Variants in ABHD18 observed in about 807,000 individuals in gnomAD.
The protein encoded by ABHD18 is abhydrolase domain containing 18.
Under a neutral mutation model 65.9 loss-of-function variants are expected in ABHD18, and 55 were observed. That is an observed-to-expected ratio of 0.84 (90% CI 0.67 to 1.05). ABHD18 has a LOEUF of 1.05. Among genes scored for constraint, ABHD18 ranks in the 50% least tolerant of loss-of-function variants. The pLI is 0.00. For synonymous variants in ABHD18, 181 were observed against 180.2 expected, an observed-to-expected ratio of 1.00 and a Z score of -0.04; for missense variants, 533 against 558.5, an observed-to-expected ratio of 0.95 and a Z score of 0.46.
chr4:128,037,755 G>C lies in ABHD18; in HGVS notation c.*1942G>C, dbSNP rs1759009238. ...TGGCTTTTAATTTCAAAATTTAATA[G>C]ACACATATGCAATTGATTTGTCCCA... On this transcript the variant is annotated 3_prime_UTR_variant, in exon 13 of 13. Transcript: ENST00000645843. The C allele has an allele frequency of 1.3e-5, 2 of 152,016 alleles. No homozygotes were observed. Among genetic ancestry groups the C allele is most frequent in the South Asian group, 4.2e-4 (2 of 4,810 alleles). The allele number at this position is 152,016 out of a possible 1,614,324, so 9.4% of individuals were successfully genotyped here.
chr4:127,993,331 C>G (rs1057129268), intron 4 of ABHD18, among the ~76,000 whole-genome samples: 1 of 152,116 alleles, frequency 6.6e-6, no homozygotes, highest in Non-Finnish European at 1.5e-5. Context: ...AATTGAGGAA[C>G]GGTTCTTTCC....
chr4:128,024,356 C>T (rs1376760013), intron 10 of ABHD18, among the ~76,000 whole-genome samples: 2 of 152,240 alleles, frequency 1.3e-5, no homozygotes, highest in South Asian at 4.2e-4. Flanking sequence ...ATTAAAGGTC[C>T]CACCTTTCAA....
At chr4:127,966,896 A>C (rs1177242204) in intron 1 of ABHD18, among the ~76,000 whole-genome samples, 4 of 151,206 alleles carry the variant, frequency 2.6e-5, no homozygotes, top group South Asian at 2.1e-4. Flanking sequence ...AAAAAAAAAA[A>C]AAAACCAAAA....
At chr4:128,023,730 A>AT (rs1756917027) in intron 10 of ABHD18, among the ~76,000 whole-genome samples, 1 of 151,978 alleles carries the variant, frequency 6.6e-6, no homozygotes, top group Non-Finnish European at 1.5e-5. Context: ...AATACAAAAA[A>AT]TTAGCCGGGC....
chr4:127,973,803 T>C (rs1450641453), intron 1 of ABHD18, among the ~76,000 whole-genome samples: 1 of 124,034 alleles, frequency 8.1e-6, no homozygotes. Flanking sequence ...GGCTGGCCTC[T>C]GGCTGATGAA....
Position 127,983,065 on chromosome 4 carries a change from C to T in ABHD18, c.92+18C>T. 1 of 1,504,620 alleles carries T rather than the reference C, an allele frequency of 6.6e-7. No individual in the cohort carries two copies. The highest frequency in any genetic ancestry group is 9.0e-7 in the Non-Finnish European group (1 of 1,106,798). 93.2% of individuals were successfully genotyped at this position (1,504,620 alleles called of 1,614,324 possible). A position where few individuals can be genotyped will look rare whatever the true frequency, so the allele number is the denominator to read the frequency against. On this transcript the variant is annotated intron_variant, in intron 2 of 12. Transcript: ENST00000645843. ...CTCAAAAGGCAAGCAATTTTTTTTC[C>T]TGAATACTTGTTCTGAATTTGTTGT...
chr4:127,981,169 T>G (rs903648403), intron 1 of ABHD18, among the ~76,000 whole-genome samples: 1 of 152,194 alleles, frequency 6.6e-6, no homozygotes, highest in African/African-American at 2.4e-5. Flanking sequence ...GTGGTTTGAC[T>G]TACGATTGTT....
At chr4:127,974,433 A>G (rs1276210887) in intron 1 of ABHD18, among the ~76,000 whole-genome samples, 1 of 151,910 alleles carries the variant, frequency 6.6e-6, no homozygotes, top group Non-Finnish European at 1.5e-5. Context: ...TGCAGTAGCC[A>G]TGATCTTGGC....
chr4:127,991,433 A>G (rs556601728), intron 4 of ABHD18, among the ~76,000 whole-genome samples: 193 of 152,234 alleles, frequency 1.3e-3, no homozygotes, highest in African/African-American at 4.6e-3. Context: ...CATGTTGGGC[A>G]GGCTGGTCAC....
chr4:127,997,871 C>T (rs558659968), intron 4 of ABHD18, among the ~76,000 whole-genome samples: 15 of 151,864 alleles, frequency 9.9e-5, no homozygotes, highest in African/African-American at 7.3e-5. Flanking sequence ...TTCCTCTCCT[C>T]CTCCTCGTTT....
At chr4:128,031,638 TAGA>T (rs894551695) in intron 12 of ABHD18, among the ~76,000 whole-genome samples, 1 of 152,190 alleles carries the variant, frequency 6.6e-6, no homozygotes, top group African/African-American at 2.4e-5. Context: ...AGCTATATAA[TAGA>T]AGAATTGTAT....
rs1174786089 is a variant in ABHD18 at position 128,037,442 on chromosome 4, G to C, written c.*1629G>C. ...TGCGACCTCCGCCTCTCAGGTTCAA[G>C]CGGTTCTCCTGCCTCCACCTGAGTA... On this transcript the variant is annotated 3_prime_UTR_variant, in exon 13 of 13. Transcript: ENST00000645843. 1 of 152,070 alleles carries C rather than the reference G, an allele frequency of 6.6e-6. No homozygotes were observed. Among genetic ancestry groups the C allele is most frequent in the African/African-American group, 2.4e-5 (1 of 41,418 alleles). 9.4% of individuals were successfully genotyped at this position (152,070 alleles called of 1,614,324 possible).
At chr4:127,988,878 A>G (rs1368450008) in intron 3 of ABHD18, among the ~76,000 whole-genome samples, 1 of 152,206 alleles carries the variant, frequency 6.6e-6, no homozygotes, top group Non-Finnish European at 1.5e-5. Flanking sequence ...ACTTCCTCAA[A>G]AGCCAAAACT....
intron 12 of ABHD18, among the ~76,000 whole-genome samples, chr4:128,033,766 G>C (rs954783622): frequency 2.0e-5 from 3 of 151,630 alleles, no homozygotes; most frequent in African/African-American, 7.3e-5. Flanking sequence ...TCGATCTCCT[G>C]ACCTCGTGAT....
intron 3 of ABHD18, 110 bp downstream of exon 3, chr4:127,984,533 C>T (rs1287734524): frequency 1.8e-6 from 1 of 562,826 alleles, no homozygotes; most frequent in East Asian, 3.2e-5. Context: ...AATATGAGTG[C>T]CGTATGGATT....
intron 1 of ABHD18, among the ~76,000 whole-genome samples, chr4:127,976,165 A>G (rs1040992713): frequency 2.6e-5 from 4 of 152,088 alleles, no homozygotes; most frequent in Admixed American, 6.6e-5. Flanking sequence ...CATTTATAAC[A>G]TTAGTGTTAT....
intron 4 of ABHD18, among the ~76,000 whole-genome samples, 188 bp from the exon 5 acceptor site, chr4:128,008,730 CAG>C (rs1340720380): frequency 2.0e-5 from 3 of 152,082 alleles, no homozygotes; most frequent in Non-Finnish European, 4.4e-5. Context: ...AATATCCTAA[CAG>C]AAAGCAGATT....
chr4:127,997,580 T>G (rs986103875), intron 4 of ABHD18, among the ~76,000 whole-genome samples: 1 of 152,216 alleles, frequency 6.6e-6, no homozygotes, highest in Non-Finnish European at 1.5e-5. Context: ...CAAAAAGCTA[T>G]GTATTTGCCT....
chr4:127,987,713 A>T (rs374949870), intron 3 of ABHD18, among the ~76,000 whole-genome samples: 24 of 151,860 alleles, frequency 1.6e-4, no homozygotes, highest in South Asian at 1.4e-3. Flanking sequence ...ACTCAAAAAA[A>T]AAAAATAAAT....
Sources: allele counts gnomAD v4.1 joint callset (sites outside exome capture counted in the v4.1 genomes callset), GRCh38; gene constraint gnomAD v4.1.1; transcripts MANE v1.5; gene names NCBI Gene and HGNC (gene_info 2026-07-23, HGNC 2026-07-21).